STXBP5L: variants seen among roughly 807,000 people sequenced by gnomAD.
STXBP5L encodes syntaxin-binding protein 5-like.
Under a neutral mutation model 144.5 loss-of-function variants are expected in STXBP5L, and 65 were observed. The ratio of observed to expected loss-of-function variants is 0.45; its 90% CI spans 0.37 to 0.55. The LOEUF (loss-of-function observed/expected upper bound fraction) is 0.55, where lower values mean the gene tolerates loss of function less well. STXBP5L is among the 20% of genes least tolerant of loss of function. The pLI, the probability that STXBP5L is intolerant of heterozygous loss-of-function variation, is 0.00. For synonymous variants in STXBP5L, 505 were observed against 469.6 expected (o/e 1.08, Z -0.97); for missense variants, 1,298 against 1,405.5 (o/e 0.92, Z 1.22).
intron 9 of STXBP5L, among the ~76,000 whole-genome samples, chr3:121,186,750 A>T (rs1443399160): frequency 2.0e-5 from 3 of 152,284 alleles, no homozygotes; most frequent in Admixed American, 2.0e-4. Flanking sequence ...ACAAGTGGGC[A>T]AAGGGTATGA....
intron 19 of STXBP5L, among the ~76,000 whole-genome samples, chr3:121,312,076 AAAAC>A (rs1220405443): frequency 6.6e-6 from 1 of 152,210 alleles, no homozygotes; most frequent in Non-Finnish European, 1.5e-5. Flanking sequence ...AAACCTGAGA[AAAAC>A]AAGCAATGGG....
chr3:121,402,514 C>T (rs1239044384), intron 22 of STXBP5L, among the ~76,000 whole-genome samples: 1 of 152,132 alleles, frequency 6.6e-6, no homozygotes, highest in African/African-American at 2.4e-5. Flanking sequence ...TAATGCTTTT[C>T]TTTCATGCAT....
At chr3:121,170,891 A>G (rs896292006) in intron 9 of STXBP5L, among the ~76,000 whole-genome samples, 3 of 152,204 alleles carry the variant, frequency 2.0e-5, no homozygotes, top group Non-Finnish European at 4.4e-5. Context: ...ACAACAAAAA[A>G]AGAAAATTTC....
chr3:120,913,443 C>T (rs1393122621), intron 2 of STXBP5L, among the ~76,000 whole-genome samples: 2 of 151,914 alleles, frequency 1.3e-5, no homozygotes, highest in African/African-American at 4.8e-5. Context: ...ACTTGATACA[C>T]TTTAAATGAG....
intron 3 of STXBP5L, among the ~76,000 whole-genome samples, chr3:120,994,221 G>T (rs896573308): frequency 6.6e-6 from 1 of 151,818 alleles, no homozygotes; most frequent in African/African-American, 2.4e-5. Context: ...CTGAATATAA[G>T]ATTATTTCTG....
intron 23 of STXBP5L, among the ~76,000 whole-genome samples, chr3:121,410,194 G>C (rs2047083348): frequency 6.6e-6 from 1 of 151,460 alleles, no homozygotes. Flanking sequence ...GGGGAAAAAA[G>C]GTCTATTTGT....
At chr3:120,970,506 C>T (rs1210762571) in intron 3 of STXBP5L, among the ~76,000 whole-genome samples, 1 of 152,108 alleles carries the variant, frequency 6.6e-6, no homozygotes, top group African/African-American at 2.4e-5. Context: ...CCATTATCAT[C>T]TGGACAGCAG....
At chr3:121,280,327 T>A (rs140488453) in intron 19 of STXBP5L, among the ~76,000 whole-genome samples, 1 of 151,934 alleles carries the variant, frequency 6.6e-6, no homozygotes, top group Non-Finnish European at 1.5e-5. Flanking sequence ...AACTTTCTTC[T>A]AAAATATCTG....
At chr3:121,349,857 C>T (rs1217087790) in intron 20 of STXBP5L, among the ~76,000 whole-genome samples, 2 of 152,058 alleles carry the variant, frequency 1.3e-5, no homozygotes, top group Non-Finnish European at 2.9e-5. Flanking sequence ...TCTGTCTCTG[C>T]ATGTGAGATG....
At chr3:121,211,630 G>A (rs1465538338) in intron 10 of STXBP5L, among the ~76,000 whole-genome samples, 1 of 139,096 alleles carries the variant, frequency 7.2e-6, no homozygotes, top group Non-Finnish European at 1.5e-5. Flanking sequence ...CCAGGCTGGA[G>A]TGCAGTGGCG....
intron 2 of STXBP5L, among the ~76,000 whole-genome samples, chr3:120,927,271 T>C (rs1576430290): frequency 6.6e-6 from 1 of 152,242 alleles, no homozygotes; most frequent in East Asian, 1.9e-4. Flanking sequence ...CTTTTCTGTG[T>C]TGTGTGGGAA....
chr3:121,071,671 G>A (rs1483823280), intron 5 of STXBP5L, among the ~76,000 whole-genome samples: 1 of 152,194 alleles, frequency 6.6e-6, no homozygotes, highest in Non-Finnish European at 1.5e-5. Flanking sequence ...TCTATTGTTT[G>A]ACCCAGAGTC....
intron 12 of STXBP5L, among the ~76,000 whole-genome samples, chr3:121,234,353 A>AT (rs2049403046): frequency 6.6e-6 from 1 of 151,876 alleles, no homozygotes; most frequent in Non-Finnish European, 1.5e-5. Flanking sequence ...CTTTCTCTTC[A>AT]TTTTTTCTTC....
At chr3:120,982,251 C>T (rs1035453048) in intron 3 of STXBP5L, among the ~76,000 whole-genome samples, 1 of 152,128 alleles carries the variant, frequency 6.6e-6, no homozygotes, top group African/African-American at 2.4e-5. Flanking sequence ...ATGGGCCGGT[C>T]TGTAGAATGC....
At chr3:121,055,647 C>G (rs965225642) in intron 5 of STXBP5L, among the ~76,000 whole-genome samples, 2 of 150,162 alleles carry the variant, frequency 1.3e-5, no homozygotes, top group East Asian at 2.0e-4. Context: ...AGTGCTGGGA[C>G]TATGGGCATG....
intron 5 of STXBP5L, among the ~76,000 whole-genome samples, chr3:121,050,700 C>T (rs113900412): frequency 0.13 from 19,053 of 152,202 alleles, 1,582 homozygotes; most frequent in Non-Finnish European, 0.19. Context: ...AACCAGCTAA[C>T]ATCATAATGA....
At chr3:120,941,721 C>T (rs1710575375) in intron 2 of STXBP5L, among the ~76,000 whole-genome samples, 1 of 151,558 alleles carries the variant, frequency 6.6e-6, no homozygotes, top group African/African-American at 2.4e-5. Context: ...CTGGAAAACA[C>T]TACCTATTAA....
intron 2 of STXBP5L, among the ~76,000 whole-genome samples, chr3:120,944,601 A>T (rs1033378422): frequency 6.6e-6 from 1 of 151,724 alleles, no homozygotes; most frequent in African/African-American, 2.4e-5. Context: ...ATTTCAAGAG[A>T]TTTGTAAGTC....
intron 3 of STXBP5L, among the ~76,000 whole-genome samples, chr3:120,971,631 G>T (rs1009959271): frequency 1.4e-5 from 2 of 144,114 alleles, no homozygotes; most frequent in African/African-American, 2.8e-5. Flanking sequence ...CATGGCACAT[G>T]CATACATACA....
Sources: allele counts gnomAD v4.1 joint callset (sites outside exome capture counted in the v4.1 genomes callset), GRCh38; gene constraint gnomAD v4.1.1; transcripts MANE v1.5; gene names NCBI Gene and HGNC (gene_info 2026-07-23, HGNC 2026-07-21).